Variants in OR2T6 observed in about 807,000 individuals in gnomAD.
The protein encoded by OR2T6 is olfactory receptor 2T6.
For synonymous variants in OR2T6, 174 were observed against 148.0 expected (o/e 1.18, Z -1.27); for missense variants, 424 against 391.6 (o/e 1.08, Z -0.70).
Position 248,388,634 on chromosome 1 carries a change from G to T in OR2T6, c.*99G>T. The stretch of plus-strand genomic sequence containing the variant: ...TCGTATCATGGATACCACGGATGAT[G>T]CTGACAGGAACTTTCAATACCAGCT... On this transcript the variant is annotated 3_prime_UTR_variant, in exon 3 of 3. Coordinates refer to ENST00000641644, the MANE Select transcript of OR2T6 (RefSeq NM_001005471.2). 1.1e-6 allele frequency: 1 copy of T among 888,550 alleles called. No individual in the cohort carries two copies. The highest frequency in any genetic ancestry group is 1.7e-6 in the Non-Finnish European group (1 of 594,784). 55.0% of individuals were successfully genotyped at this position (888,550 alleles called of 1,614,324 possible). A position where few individuals can be genotyped will look rare whatever the true frequency, so the allele number is the denominator to read the frequency against.
chr1:248,377,476 A>C (rs1419415395), intron 1 of OR2T6, among the ~76,000 whole-genome samples: 1 of 152,224 alleles, frequency 6.6e-6, no homozygotes. Context: ...CAAAGAGCTC[A>C]TATTATATTT....
rs1178560335 is a variant in OR2T6 at position 248,380,810 on chromosome 1, A to G, written c.-158-3901A>G. Among the ~76,000 whole-genome samples the G allele has an allele frequency of 5.3e-5, 8 of 150,696 alleles. No individual in the cohort carries two copies. The East Asian group carries it at 1.5e-3, about 29-fold the overall frequency. ...TAAAAAAAAAAAAAGAGATTGTCCT[A>G]TGGAAGCTAACTGAATATATTAAGC... On this transcript the variant is annotated intron_variant, in intron 1 of 2. Transcript: ENST00000641644.
chr1:248,385,004 G>C (rs528896161), intron 2 of OR2T6, 140 bp downstream of exon 2: 1 of 152,192 alleles, frequency 6.6e-6, no homozygotes, highest in Non-Finnish European at 1.5e-5. Flanking sequence ...GAAGTCTCCT[G>C]TTCACTGTGC....
rs866167418 is a variant in OR2T6 at position 248,387,871 on chromosome 1, G to T, written c.263G>T (p.Gly88Val). ...AAGATGCTGGTAGATTATCTCATGG[G>T]CGAGGGGACCATCTCTTTCATCGCC... ...VPKMLVDYLMGEGTISFIACT... is the reference protein window; with the variant it reads ...VPKMLVDYLMVEGTISFIACT... Residue 88 changes from glycine (G) to valine (V), a missense_variant, in exon 3 of 3, where the codon GGC becomes GTC. Coordinates refer to ENST00000641644, the MANE Select transcript of OR2T6 (RefSeq NM_001005471.2). 1 of 1,596,618 alleles carries T rather than the reference G, an allele frequency of 6.3e-7. No individual in the cohort carries two copies. The highest frequency in any genetic ancestry group is 8.6e-7 in the Non-Finnish European group (1 of 1,168,496).
intron 2 of OR2T6, among the ~76,000 whole-genome samples, chr1:248,385,151 A>T (rs1397147787): frequency 6.6e-6 from 1 of 152,198 alleles, no homozygotes. Context: ...AAAATCTGGC[A>T]CAGAGACACA....
Position 248,388,209 on chromosome 1 carries a change from G to T in OR2T6, c.601G>T (p.Val201Leu). 2 of 1,613,896 alleles carry T rather than the reference G, an allele frequency of 1.2e-6. No individual in the cohort carries two copies. The highest frequency in any genetic ancestry group is 1.7e-6 in the Non-Finnish European group (2 of 1,180,012). ...DKTTYETVMY[V>L]CCVAMLLIPF... ...AACCACCTATGAAACAGTGATGTATGTGTGCTGCGTTGCAATGCTGCTGAT... is the reference window on the plus strand; with the variant it reads ...AACCACCTATGAAACAGTGATGTATTTGTGCTGCGTTGCAATGCTGCTGAT... Residue 201 changes from valine (V) to leucine (L), a missense_variant, in exon 3 of 3, where the codon GTG becomes TTG. Transcript: ENST00000641644.
intron 1 of OR2T6, among the ~76,000 whole-genome samples, chr1:248,376,916 A>G (rs1432597917): frequency 6.6e-6 from 1 of 152,226 alleles, no homozygotes; most frequent in East Asian, 1.9e-4. Flanking sequence ...TTTAAAACAA[A>G]CATCACTTTC....
rs1343080265 is a variant in OR2T6 at position 248,388,425 on chromosome 1, G to T, written c.817G>T (p.Val273Phe). 1 of 1,613,658 alleles carries T rather than the reference G, an allele frequency of 6.2e-7. No individual in the cohort carries two copies. The highest frequency in any genetic ancestry group is 1.7e-5 in the Admixed American group (1 of 60,000). ...QSYHTPIKDK[V>F]FSAFYTILTP... ...TTACCACACCCCAATCAAAGATAAGGTCTTCTCTGCCTTTTATACCATCCT... is the reference window on the plus strand; with the variant it reads ...TTACCACACCCCAATCAAAGATAAGTTCTTCTCTGCCTTTTATACCATCCT... Residue 273 changes from valine to phenylalanine, a missense_variant, in exon 3 of 3, where the codon GTC becomes TTC. Physicochemically the swap from Val to Phe is conservative, Grantham distance 50. Coordinates refer to ENST00000641644, the MANE Select transcript of OR2T6 (RefSeq NM_001005471.2).
intron 1 of OR2T6, among the ~76,000 whole-genome samples, chr1:248,381,056 C>A (rs1661020450): frequency 6.6e-6 from 1 of 151,882 alleles, no homozygotes; most frequent in Non-Finnish European, 1.5e-5. Context: ...CCATGATTAA[C>A]CTAGTTGTTT....
rs61736247 is a variant in OR2T6 at position 248,388,297 on chromosome 1, C to T, written c.689C>T (p.Ser230Leu). The change falls in exon 3 of 3, where the codon TCG becomes TTG. Residue 230 changes from serine to leucine, a missense_variant. By Grantham distance (145) the Ser-to-Leu change is moderately radical (BLOSUM62 -2). Coordinates refer to ENST00000641644, the MANE Select transcript of OR2T6 (RefSeq NM_001005471.2). The stretch of plus-strand genomic sequence containing the variant: ...CTCATCACAGTGCATCAGATGACAT[C>T]GGCTGAAGGGAGGAAGAAGGCCTTT... ...RILITVHQMTSAEGRKKAFAT... is the reference protein window; with the variant it reads ...RILITVHQMTLAEGRKKAFAT... 4.7e-4 allele frequency: 759 copies of T among 1,613,818 alleles called. 3 individuals carry two copies. The African/African-American group carries it at 8.5e-3, about 18-fold the overall frequency.
intron 2 of OR2T6, among the ~76,000 whole-genome samples, chr1:248,385,372 G>A (rs1661120559): frequency 6.6e-6 from 1 of 152,202 alleles, no homozygotes; most frequent in South Asian, 2.1e-4. Flanking sequence ...CCACCCTGGA[G>A]AATATGTAGA....
chr1:248,388,042 T>C lies in OR2T6; in HGVS notation c.434T>C (p.Leu145Pro). 1 of 1,614,024 alleles carries C rather than the reference T, an allele frequency of 6.2e-7. No individual in the cohort carries two copies. The highest frequency in any genetic ancestry group is 1.3e-5 in the African/African-American group (1 of 75,038). Residue 145 changes from leucine (L) to proline (P), a missense_variant, in exon 3 of 3, where the codon CTG becomes CCG. Physicochemically the swap from Leu to Pro is moderately conservative, Grantham distance 98. Transcript: ENST00000641644. ...LISWRVCWMILASSWFGGALD... is the reference protein window; with the variant it reads ...LISWRVCWMIPASSWFGGALD... ...AGCTGGCGGGTCTGCTGGATGATCC[T>C]GGCCAGCTCTTGGTTCGGTGGGGCT...
chr1:248,389,739 C>G lies in OR2T6; in HGVS notation c.*1204C>G, dbSNP rs1442399744. The G allele has an allele frequency of 6.6e-6, 1 of 152,176 alleles. No individual in the cohort carries two copies. Among genetic ancestry groups the G allele is most frequent in the Admixed American group, 6.5e-5 (1 of 15,274 alleles). 9.4% of individuals were successfully genotyped at this position (152,176 alleles called of 1,614,324 possible). On this transcript the variant is annotated 3_prime_UTR_variant, in exon 3 of 3. Coordinates refer to ENST00000641644, the MANE Select transcript of OR2T6 (RefSeq NM_001005471.2). The stretch of plus-strand genomic sequence containing the variant: ...AAGTCAGTCAATATTGCAAACCATA[C>G]ATAATAGTATACTTAATCAATATGT...
chr1:248,385,297 G>A lies in OR2T6; in HGVS notation c.-5+433G>A, dbSNP rs78279509. Among the ~76,000 whole-genome samples the A allele has an allele frequency of 2.6e-3, 397 of 152,294 alleles. 1 individual carries two copies. Among genetic ancestry groups the A allele is most frequent in the Middle Eastern group, 6.8e-3 (2 of 294 alleles). Reference sequence around the variant, plus strand: ...TAGTACTCAAGATTTTTAATTTTCAGTATAGATAAAAAATTGAATCGTTTC... The same window carrying A: ...TAGTACTCAAGATTTTTAATTTTCAATATAGATAAAAAATTGAATCGTTTC... On this transcript the variant is annotated intron_variant, in intron 2 of 2. Transcript: ENST00000641644.
chr1:248,382,598 T>C (rs948708891), intron 1 of OR2T6, among the ~76,000 whole-genome samples: 3 of 148,446 alleles, frequency 2.0e-5, no homozygotes, highest in Non-Finnish European at 3.0e-5. Context: ...AATGGTGCAA[T>C]CTCAGCTCAC....
intron 1 of OR2T6, among the ~76,000 whole-genome samples, chr1:248,381,787 T>C (rs1444320007): frequency 6.6e-6 from 1 of 152,094 alleles, no homozygotes; most frequent in Non-Finnish European, 1.5e-5. Flanking sequence ...CTGTTAGTAA[T>C]ATTACAGTTT....
In OR2T6 at chr1:248,387,650, C is replaced by T. The variant is rs1558307658; in HGVS notation, c.42C>T (p.Leu14=). 2 of 1,610,868 alleles carry T rather than the reference C, an allele frequency of 1.2e-6. No homozygotes were observed. Among genetic ancestry groups the T allele is most frequent in the Non-Finnish European group, 1.7e-6 (2 of 1,177,472 alleles). Residue 14 remains leucine (L), a synonymous_variant, in exon 3 of 3, where the codon CTC becomes CTT. Transcript: ENST00000641644. ...NNETLTRGFT[L]MGLFTHNKCS... ...AAACCTTGACCAGAGGCTTTACCCTCATGGGGCTCTTCACTCACAATAAAT... is the reference window on the plus strand; with the variant it reads ...AAACCTTGACCAGAGGCTTTACCCTTATGGGGCTCTTCACTCACAATAAAT...
rs1266651407 is a variant in OR2T6, at chr1:248,379,559, A to G, written c.-159+3505A>G. The stretch of plus-strand genomic sequence containing the variant: ...GGGAAAAGAGGGAGTTTATATGAAC[A>G]GGTTTGAAGATGTGTTGTTATTAAT... On this transcript the variant is annotated intron_variant, in intron 1 of 2. Transcript: ENST00000641644. 1.5e-4 allele frequency among the ~76,000 whole-genome samples: 23 copies of G among 152,206 alleles called. 1 individual carries two copies. Among genetic ancestry groups the G allele is most frequent in the Admixed American group, 1.5e-3 (23 of 15,274 alleles).
In OR2T6 at chr1:248,383,725, C is replaced by T. The variant is rs1389830417; in HGVS notation, c.-158-986C>T. On this transcript the variant is annotated intron_variant, in intron 1 of 2. Coordinates refer to ENST00000641644, the MANE Select transcript of OR2T6 (RefSeq NM_001005471.2). ...ATCCTGATGTGTTTCCTAGTGTTAT[C>T]GTCATGGAGAAAGCACTGCACTAGC... Among the ~76,000 whole-genome samples the T allele has an allele frequency of 3.6e-4, 15 of 41,886 alleles. 1 individual carries two copies. The highest frequency in any genetic ancestry group is 2.7e-3 in the African/African-American group (13 of 4,904). The allele number at this position is 41,886 out of a possible 152,430, so 27.5% of individuals were successfully genotyped here. A position where few individuals can be genotyped will look rare whatever the true frequency, so the allele number is the denominator to read the frequency against.
Sources: allele counts gnomAD v4.1 joint callset (sites outside exome capture counted in the v4.1 genomes callset), GRCh38; gene constraint gnomAD v4.1.1; transcripts MANE v1.5; gene names NCBI Gene and HGNC (gene_info 2026-07-23, HGNC 2026-07-21).